DSG1: variants seen among roughly 807,000 people sequenced by gnomAD.
DSG1 encodes desmoglein 1.
In DSG1, 39 loss-of-function variants were observed where a neutral mutation model predicts 97.5. The observed-to-expected ratio is 0.40, with a 90% confidence interval of 0.31 to 0.52. The LOEUF is 0.52. DSG1 is among the 20% of genes least tolerant of loss of function. The pLI, the probability that DSG1 is intolerant of heterozygous loss-of-function variation, is 0.53. For missense variants in DSG1, 1,311 were observed against 1,295.4 expected (o/e 1.01, Z -0.18); for synonymous variants, 475 against 443.4 (o/e 1.07, Z -0.90).
intron 14 of DSG1, among the ~76,000 whole-genome samples, chr18:31,347,361 G>T (rs532121286): frequency 4.5e-4 from 69 of 152,076 alleles, no homozygotes; most frequent in Non-Finnish European, 7.1e-4. Flanking sequence ...CTATCTAAAA[G>T]AACAGCACCC....
chr18:31,354,803 C>T lies in DSG1; in HGVS notation c.2607C>T (p.Val869=), dbSNP rs371231511. ...ASNVVVTERV[V]GPISGADLHG... The stretch of plus-strand genomic sequence containing the variant: ...ACGTGGTAGTGACAGAGAGAGTGGT[C>T]GGCCCAATCTCTGGCGCTGATTTGC... Residue 869 remains valine (V), a synonymous_variant, in exon 15 of 15, where the codon GTC becomes GTT. Coordinates refer to ENST00000257192, the MANE Select transcript of DSG1 (RefSeq NM_001942.4). 166 of 1,614,074 alleles carry T rather than the reference C, an allele frequency of 1.0e-4. No individual in the cohort carries two copies. Among genetic ancestry groups the T allele is most frequent in the Middle Eastern group, 1.6e-4 (1 of 6,062 alleles).
intron 13 of DSG1, chr18:31,345,462 G>A (rs933324888): frequency 1.9e-5 from 3 of 158,646 alleles, no homozygotes; most frequent in South Asian, 1.8e-4. Flanking sequence ...CTACTGAAGC[G>A]AGTACCTACC....
chr18:31,353,909 A>C (rs2071927162), intron 14 of DSG1: 1 of 275,614 alleles, frequency 3.6e-6, no homozygotes, highest in East Asian at 1.0e-4. Flanking sequence ...CCTCAGATGG[A>C]AATGCAGAAA....
Position 31,346,200 on chromosome 18 carries a change from T to A in DSG1, c.2100+2T>A. On this transcript the variant is annotated splice_donor_variant, in intron 14 of 14. Transcript: ENST00000257192. LOFTEE classifies it high-confidence loss of function. The stretch of plus-strand genomic sequence containing the variant: ...TTCATGGAAAGCTACTTCTGTCAGG[T>A]AAGGTCCCTAGCCACATGCCTTTCT... 1 of 1,612,190 alleles carries A rather than the reference T, an allele frequency of 6.2e-7. No homozygotes were observed. Among genetic ancestry groups the A allele is most frequent in the Non-Finnish European group, 8.5e-7 (1 of 1,178,322 alleles).
intron 6 of DSG1, among the ~76,000 whole-genome samples, chr18:31,333,371 T>A (rs2071732154): frequency 6.6e-6 from 1 of 152,170 alleles, no homozygotes; most frequent in Non-Finnish European, 1.5e-5. Context: ...TAATAAGAAA[T>A]GAAGCCTTTT....
At chr18:31,342,124 G>A (rs1271341589) in intron 11 of DSG1, among the ~76,000 whole-genome samples, 1 of 151,866 alleles carries the variant, frequency 6.6e-6, no homozygotes, top group East Asian at 1.9e-4. Flanking sequence ...AGTAAAGATG[G>A]GGTTTCACCA....
intron 14 of DSG1, chr18:31,353,925 C>A (rs552842593): frequency 5.9e-5 from 16 of 273,338 alleles, no homozygotes; most frequent in South Asian, 5.7e-4. Context: ...AGAAATCACC[C>A]GTCTTCTGCG....
Position 31,343,158 on chromosome 18 carries a change from C to G in DSG1, c.1688-292C>G, listed in dbSNP as rs201194737. On this transcript the variant is annotated intron_variant, in intron 11 of 14. Coordinates refer to ENST00000257192, the MANE Select transcript of DSG1 (RefSeq NM_001942.4). ...AGCTCCTGGGCTCTAGTGATCCACC[C>G]ACTTCCACCTCCCAAAGTGCTGGAA... Among the ~76,000 whole-genome samples the G allele has an allele frequency of 3.3e-5, 5 of 152,188 alleles. No individual in the cohort carries two copies. In the East Asian group the frequency reaches 9.7e-4, roughly 29 times the overall value.
At chr18:31,334,901 C>A (rs1286973785) in intron 8 of DSG1, among the ~76,000 whole-genome samples, 3 of 152,162 alleles carry the variant, frequency 2.0e-5, no homozygotes, top group African/African-American at 7.2e-5. Flanking sequence ...CAAAGTTTCG[C>A]CCTGTGCTAC....
In DSG1 at chr18:31,331,600, T is replaced by C; in HGVS notation, c.518-101T>C. The C allele has an allele frequency of 3.8e-6, 4 of 1,050,044 alleles. 1 individual carries two copies. In the South Asian group the frequency reaches 5.4e-5, roughly 14 times the overall value. The allele number at this position is 1,050,044 out of a possible 1,614,324, so 65.0% of individuals were successfully genotyped here. Reference sequence around the variant, plus strand: ...AGGGAAGACAGTGAAGTCCACATCATAAGGATCAACTAACTCTAACACTTT... The same window carrying C: ...AGGGAAGACAGTGAAGTCCACATCACAAGGATCAACTAACTCTAACACTTT... On this transcript the variant is annotated intron_variant, in intron 5 of 14. Coordinates refer to ENST00000257192, the MANE Select transcript of DSG1 (RefSeq NM_001942.4).
At chr18:31,335,917 A>G (rs1195910429) in intron 8 of DSG1, among the ~76,000 whole-genome samples, 2 of 151,566 alleles carry the variant, frequency 1.3e-5, no homozygotes, top group African/African-American at 2.4e-5. Flanking sequence ...TTTCTTGTAA[A>G]TAGTTCTTAT....
intron 14 of DSG1, among the ~76,000 whole-genome samples, chr18:31,347,160 G>A (rs903357614): frequency 6.6e-6 from 1 of 152,114 alleles, no homozygotes; most frequent in Non-Finnish European, 1.5e-5. Context: ...AAGAGTGGCT[G>A]ATATTTTTAA....
chr18:31,343,402 T>C (rs1371386422), intron 11 of DSG1, 48 bp from the exon 12 acceptor site: 3 of 1,613,426 alleles, frequency 1.9e-6, no homozygotes, highest in Non-Finnish European at 2.5e-6. Context: ...TTTTGTTTTT[T>C]ATTTGCACCC....
intron 6 of DSG1, among the ~76,000 whole-genome samples, chr18:31,332,165 G>C (rs1030332219): frequency 2.0e-5 from 3 of 152,014 alleles, no homozygotes; most frequent in East Asian, 1.9e-4. Flanking sequence ...AGAATCAAAA[G>C]CTCCATTTCT....
rs759755176 is a variant in DSG1 at position 31,346,161 on chromosome 18, G to C, written c.2063G>C (p.Gly688Ala). 1 of 1,613,566 alleles carries C rather than the reference G, an allele frequency of 6.2e-7. No homozygotes were observed. The highest frequency in any genetic ancestry group is 8.5e-7 in the Non-Finnish European group (1 of 1,179,572). ...TCTATGAGGGAATGTAGAGAAGGAG[G>C]TCTGAATATGAATTTCATGGAAAGC... Reference protein sequence around the residue: ...RNSMRECREGGLNMNFMESYF... With the variant: ...RNSMRECREGALNMNFMESYF... The change falls in exon 14 of 15, where the codon GGT becomes GCT. Residue 688 changes from glycine (G) to alanine (A), a missense_variant. Coordinates refer to ENST00000257192, the MANE Select transcript of DSG1 (RefSeq NM_001942.4).
At position 31,329,997 on chromosome 18, in the gene DSG1, G is replaced by A. The variant is rs374368834; in HGVS notation, c.478G>A (p.Ala160Thr). The change falls in exon 5 of 15, where the codon GCT (alanine) becomes ACT (threonine). Residue 160 changes from alanine (A) to threonine (T), a missense_variant. Transcript: ENST00000257192. ...INDNPPVFSM[A>T]TFAGQIEENS... ...TGACAACCCTCCAGTGTTTTCAATGGCTACATTTGCAGGACAAATAGAAGA... is the reference window on the plus strand; with the variant it reads ...TGACAACCCTCCAGTGTTTTCAATGACTACATTTGCAGGACAAATAGAAGA... The A allele has an allele frequency of 1.9e-6, 3 of 1,613,168 alleles. No homozygotes were observed. The highest frequency in any genetic ancestry group is 2.7e-5 in the African/African-American group (2 of 74,882).
At chr18:31,338,540 AG>A (rs2071769481) in intron 10 of DSG1, 86 bp downstream of exon 10, 2 of 1,464,710 alleles carry the variant, frequency 1.4e-6, no homozygotes, top group Non-Finnish European at 1.9e-6. Flanking sequence ...CACATTTTGA[AG>A]TAACCCCTTT....
chr18:31,339,997 C>A lies in DSG1; in HGVS notation c.1659C>A (p.Leu553=). Residue 553 remains leucine, a synonymous_variant, in exon 11 of 15, where the codon CTC becomes CTA. Transcript: ENST00000257192. ...ATTTTGGTCCTGCTGGCATTGGACTCCTCATCATGGGATTCTTGGTCTTAG... is the reference window on the plus strand; with the variant it reads ...ATTTTGGTCCTGCTGGCATTGGACTACTCATCATGGGATTCTTGGTCTTAG... ...NVHFGPAGIG[L]LIMGFLVLGL... 6.2e-7 allele frequency: 1 copy of A among 1,614,036 alleles called. No individual in the cohort carries two copies.
Position 31,338,582 on chromosome 18 carries a change from G to C in DSG1, c.1405+128G>C. 4 of 928,366 alleles carry C rather than the reference G, an allele frequency of 4.3e-6. No individual in the cohort carries two copies. The South Asian group carries it at 4.6e-5, about 11-fold the overall frequency. The allele number at this position is 928,366 out of a possible 1,614,324, so 57.5% of individuals were successfully genotyped here. The stretch of plus-strand genomic sequence containing the variant: ...AAAAGTTGTCACACTGGGCATTATA[G>C]ACTCATATCTTTAACAACTTGAGGC... On this transcript the variant is annotated intron_variant, in intron 10 of 14. Coordinates refer to ENST00000257192, the MANE Select transcript of DSG1 (RefSeq NM_001942.4).
Sources: allele counts gnomAD v4.1 joint callset (sites outside exome capture counted in the v4.1 genomes callset), GRCh38; gene constraint gnomAD v4.1.1; transcripts MANE v1.5; gene names NCBI Gene and HGNC (gene_info 2026-07-23, HGNC 2026-07-21).